Variants in FER observed in about 807,000 individuals in gnomAD.
FER encodes tyrosine-protein kinase Fer.
In FER, 63 loss-of-function variants were observed where a neutral mutation model predicts 111.0. The ratio of observed to expected loss-of-function variants is 0.57; its 90% CI spans 0.46 to 0.70. The LOEUF (loss-of-function observed/expected upper bound fraction) is 0.70, where lower values mean the gene tolerates loss of function less well. Among genes scored for constraint, FER ranks in the 30% least tolerant of loss-of-function variants. The pLI is 0.00. For missense variants in FER, 914 were observed against 954.0 expected (o/e 0.96, Z 0.55); for synonymous variants, 327 against 313.9 (o/e 1.04, Z -0.44).
intron 13 of FER, among the ~76,000 whole-genome samples, chr5:108,983,973 A>G (rs1762291593): frequency 6.6e-6 from 1 of 152,118 alleles, no homozygotes; most frequent in Non-Finnish European, 1.5e-5. Context: ...GTCAGCAAAT[A>G]TTTATTGAGC....
At chr5:108,884,147 G>A (rs554167979) in intron 9 of FER, among the ~76,000 whole-genome samples, 1 of 152,110 alleles carries the variant, frequency 6.6e-6, no homozygotes, top group South Asian at 2.1e-4. Context: ...AAGAGTGGGT[G>A]CTGGTGTGGT....
rs6594349 is a variant in FER at position 109,180,928 on chromosome 5, A to T, written c.2203+27A>T. 603 of 1,534,596 alleles carry T rather than the reference A, an allele frequency of 3.9e-4. 4 individuals carry two copies. In the African/African-American group the frequency reaches 5.5e-3, roughly 14 times the overall value. On this transcript the variant is annotated intron_variant, in intron 18 of 19. Coordinates refer to ENST00000281092, the MANE Select transcript of FER (RefSeq NM_005246.4). ...TAAGAATAGACCACATTTTTTTTTT[A>T]ATGGTAAAAATGAACGGCATCAGCA...
chr5:109,159,758 T>G (rs1030860557), intron 17 of FER, among the ~76,000 whole-genome samples: 3 of 152,140 alleles, frequency 2.0e-5, no homozygotes, highest in Non-Finnish European at 4.4e-5. Context: ...AGGTCAAAAT[T>G]ATGAATGCAG....
At chr5:109,030,303 A>G (rs1038905041) in intron 13 of FER, among the ~76,000 whole-genome samples, 1 of 152,148 alleles carries the variant, frequency 6.6e-6, no homozygotes, top group African/African-American at 2.4e-5. Context: ...CATCAGATCC[A>G]TCCCACTGTT....
intron 13 of FER, among the ~76,000 whole-genome samples, chr5:109,021,785 G>A (rs577241131): frequency 2.6e-5 from 4 of 152,144 alleles, no homozygotes; most frequent in South Asian, 2.1e-4. Context: ...GAAACATGAC[G>A]TTGTGAAATG....
rs527520293 is a variant in FER, at chr5:109,192,465, C to CTGT, written c.*4892_*4894dup. 65 of 151,996 alleles carry CTGT rather than the reference C, an allele frequency of 4.3e-4. No individual in the cohort carries two copies. Among genetic ancestry groups the CTGT allele is most frequent in the Non-Finnish European group, 7.1e-4 (48 of 67,996 alleles). 9.4% of individuals were successfully genotyped at this position (151,996 alleles called of 1,614,324 possible). On this transcript the variant is annotated 3_prime_UTR_variant, in exon 20 of 20. Transcript: ENST00000281092. ...AATACCTCTCCTTGTGTTAGGAGCA[C>CTGT]TGTTATATTCCCAGCTCAGAGATGA...
chr5:108,809,108 G>A (rs1236013943), intron 3 of FER, among the ~76,000 whole-genome samples: 3 of 152,004 alleles, frequency 2.0e-5, no homozygotes, highest in Admixed American at 2.0e-4. Flanking sequence ...GGTGTTACCT[G>A]GATTTTTTTG....
chr5:108,983,197 G>A (rs1163614510), intron 13 of FER, among the ~76,000 whole-genome samples: 2 of 151,992 alleles, frequency 1.3e-5, no homozygotes, highest in Non-Finnish European at 2.9e-5. Flanking sequence ...ACATAATTGA[G>A]CATCATATTG....
intron 10 of FER, among the ~76,000 whole-genome samples, chr5:108,924,974 A>G (rs1753539200): frequency 1.3e-5 from 2 of 152,138 alleles, no homozygotes; most frequent in Non-Finnish European, 2.9e-5. Context: ...AACCAAAGCC[A>G]CTGAAAAAAA....
At chr5:108,777,774 A>G (rs934612477) in intron 2 of FER, among the ~76,000 whole-genome samples, 2 of 152,218 alleles carry the variant, frequency 1.3e-5, no homozygotes, top group Non-Finnish European at 2.9e-5. Flanking sequence ...GGAGCAAGTC[A>G]CATCTTACGT....
intron 17 of FER, among the ~76,000 whole-genome samples, chr5:109,140,112 T>G (rs1197968435): frequency 2.6e-5 from 4 of 152,218 alleles, no homozygotes; most frequent in Admixed American, 6.5e-5. Context: ...ACTAGCAAAT[T>G]AAGCCTTTTT....
chr5:108,998,580 A>G (rs1554112597), intron 13 of FER, among the ~76,000 whole-genome samples: 2 of 152,062 alleles, frequency 1.3e-5, no homozygotes, highest in Non-Finnish European at 2.9e-5. Context: ...AGCTGTTCCT[A>G]TTTGGCCATC....
At chr5:109,143,853 A>AAT (rs1242453466) in intron 17 of FER, among the ~76,000 whole-genome samples, 2 of 149,828 alleles carry the variant, frequency 1.3e-5, no homozygotes, top group South Asian at 2.1e-4. Flanking sequence ...TTTGCAGCAA[A>AAT]ATATATATAT....
intron 16 of FER, among the ~76,000 whole-genome samples, chr5:109,068,649 A>G (rs1477897042): frequency 1.3e-5 from 2 of 152,184 alleles, no homozygotes; most frequent in African/African-American, 4.8e-5. Context: ...TTGCTCTACT[A>G]TCATTTGTGT....
At chr5:108,918,645 C>G (rs1471245247) in intron 10 of FER, among the ~76,000 whole-genome samples, 1 of 152,158 alleles carries the variant, frequency 6.6e-6, no homozygotes, top group African/African-American at 2.4e-5. Flanking sequence ...CGCCACCACG[C>G]CTGGCTAATT....
intron 10 of FER, among the ~76,000 whole-genome samples, chr5:108,906,673 A>G (rs1750819161): frequency 6.6e-6 from 1 of 152,016 alleles, no homozygotes; most frequent in Non-Finnish European, 1.5e-5. Context: ...TAATCCCATT[A>G]TTTTAATGTT....
intron 17 of FER, among the ~76,000 whole-genome samples, chr5:109,178,401 C>T (rs1177940242): frequency 6.6e-6 from 1 of 152,146 alleles, no homozygotes; most frequent in Admixed American, 6.5e-5. Flanking sequence ...ACTGGTGATG[C>T]AATGAAGATA....
At chr5:108,859,763 T>C (rs979520489) in intron 5 of FER, among the ~76,000 whole-genome samples, 1 of 152,078 alleles carries the variant, frequency 6.6e-6, no homozygotes. Flanking sequence ...GAGAACTTGC[T>C]CTTTAAAGGT....
Position 109,122,339 on chromosome 5 carries a change from G to A in FER, c.2048+21820G>A, listed in dbSNP as rs183915484. The stretch of plus-strand genomic sequence containing the variant: ...TTCTTCATTGATTCACTGGTCATTT[G>A]GGAGCATATTGTTTAATTTCCGTGT... On this transcript the variant is annotated intron_variant, in intron 17 of 19. Transcript: ENST00000281092. 2.4e-3 allele frequency among the ~76,000 whole-genome samples: 362 copies of A among 152,066 alleles called. 1 individual carries two copies. The highest frequency in any genetic ancestry group is 8.3e-3 in the African/African-American group (345 of 41,484).
Sources: gnomAD v4.1 joint callset for allele counts (sites outside exome capture counted in the v4.1 genomes callset) on GRCh38, gnomAD v4.1.1 for gene constraint, MANE v1.5 for transcripts, NCBI Gene and HGNC (gene_info 2026-07-23, HGNC 2026-07-21) for gene names.